MYO10: variants seen among roughly 807,000 people sequenced by gnomAD.
MYO10 encodes myosin X, also known as unconventional myosin-X.
Under a neutral mutation model 257.3 loss-of-function variants are expected in MYO10, and 133 were observed. The observed-to-expected ratio is 0.52, with a 90% CI of 0.45 to 0.60. The LOEUF is 0.60. Among genes scored for constraint, MYO10 ranks in the 20% least tolerant of loss-of-function variants. The pLI, the probability that MYO10 is intolerant of heterozygous loss-of-function variation, is 0.00. For missense variants in MYO10, 2,399 were observed against 2,635.7 expected (o/e 0.91, Z 1.97); for synonymous variants, 1,104 against 1,028.6 (o/e 1.07, Z -1.40).
rs1002196703 is a variant in MYO10, at chr5:16,825,724, C to T, written c.121-7557G>A. Reference sequence around the variant, plus strand: ...GACAGCCGGATGCAGTGGCATATGCCGGTAATCCCAGCTATTCAGGAGGCT... The same window carrying T: ...GACAGCCGGATGCAGTGGCATATGCTGGTAATCCCAGCTATTCAGGAGGCT... On this transcript the variant is annotated intron_variant, in intron 2 of 40. Transcript: ENST00000513610. 5.9e-5 allele frequency among the ~76,000 whole-genome samples: 9 copies of T among 152,130 alleles called. No homozygotes were observed. The South Asian group carries it at 6.2e-4, about 10-fold the overall frequency.
rs189964672 is a variant in MYO10, at chr5:16,845,917, T to C, written c.121-27750A>G. Reference sequence around the variant, plus strand: ...AGGCAGAGGTTGCAGTGAGCCGAGATCACACCACTGCATTGCAGCCTGGTG... The same window carrying C: ...AGGCAGAGGTTGCAGTGAGCCGAGACCACACCACTGCATTGCAGCCTGGTG... On this transcript the variant is annotated intron_variant, in intron 2 of 40. Coordinates refer to ENST00000513610, the MANE Select transcript of MYO10 (RefSeq NM_012334.3). Among the ~76,000 whole-genome samples, 281 of 150,878 alleles carry C rather than the reference T, an allele frequency of 1.9e-3. 3 individuals are homozygous for C. Among genetic ancestry groups the C allele is most frequent in the African/African-American group, 6.0e-3 (248 of 41,020 alleles).
chr5:16,699,478 C>G lies in MYO10; in HGVS notation c.3528G>C (p.Pro1176=). The G allele has an allele frequency of 6.2e-7, 1 of 1,613,696 alleles. No homozygotes were observed. Among genetic ancestry groups the G allele is most frequent in the Non-Finnish European group, 8.5e-7 (1 of 1,179,822 alleles). ...RDSVYSCVTL[P]YFHSFLYMKG... ...TCATGTACAGAAAGCTGTGGAAATA[C>G]GGCAGAGTGACACAGCTGTACACAG... Residue 1176 remains proline (P), a synonymous_variant, in exon 26 of 41, where the codon CCG becomes CCC. Coordinates refer to ENST00000513610, the MANE Select transcript of MYO10 (RefSeq NM_012334.3).
intron 2 of MYO10, among the ~76,000 whole-genome samples, chr5:16,826,483 A>G (rs1743004015): frequency 6.6e-6 from 1 of 152,200 alleles, no homozygotes; most frequent in African/African-American, 2.4e-5. Context: ...AACACAGAGC[A>G]TTCTATGAGG....
chr5:16,701,964 G>C lies in MYO10; in HGVS notation c.2557-126C>G. 1 of 1,107,946 alleles carries C rather than the reference G, an allele frequency of 9.0e-7. No homozygotes were observed. The highest frequency in any genetic ancestry group is 1.7e-5 in the South Asian group (1 of 59,898). The allele number at this position is 1,107,946 out of a possible 1,614,324, so 68.6% of individuals were successfully genotyped here. On this transcript the variant is annotated intron_variant, in intron 24 of 40. Coordinates refer to ENST00000513610, the MANE Select transcript of MYO10 (RefSeq NM_012334.3). The surrounding 1 kb of genome is among the most constrained non-coding windows in gnomAD (Gnocchi z 8.1). ...GACTGTGTCCCCATAAAGTCTATAGGTTGAAGTCCTAACCCCAATACTGCA... is the reference window on the plus strand; with the variant it reads ...GACTGTGTCCCCATAAAGTCTATAGCTTGAAGTCCTAACCCCAATACTGCA...
At chr5:16,700,334 A>G (rs772779239) in intron 25 of MYO10, among the ~76,000 whole-genome samples, 6 of 152,182 alleles carry the variant, frequency 3.9e-5, no homozygotes, top group Non-Finnish European at 7.3e-5. Flanking sequence ...CAAATTGTAA[A>G]AAAAGGGAAG....
At chr5:16,698,508 G>C (rs191385951) in intron 26 of MYO10, among the ~76,000 whole-genome samples, 75 of 152,222 alleles carry the variant, frequency 4.9e-4, no homozygotes, top group Non-Finnish European at 9.3e-4. Context: ...TCATCATGAA[G>C]TAGGTATGGT....
intron 27 of MYO10, among the ~76,000 whole-genome samples, chr5:16,692,523 A>C (rs187342974): frequency 4.8e-4 from 73 of 152,336 alleles, no homozygotes; most frequent in African/African-American, 1.6e-3. Context: ...TTTTAATGTC[A>C]TAATGGTATT....
At chr5:16,692,126 T>C (rs145080570) in intron 27 of MYO10, among the ~76,000 whole-genome samples, 21 of 152,206 alleles carry the variant, frequency 1.4e-4, no homozygotes, top group Admixed American at 3.9e-4. Context: ...CCTCCACTTA[T>C]AAGGAAACTG....
chr5:16,817,437 T>C (rs1257156000), intron 3 of MYO10, among the ~76,000 whole-genome samples: 1 of 152,130 alleles, frequency 6.6e-6, no homozygotes, highest in Non-Finnish European at 1.5e-5. Flanking sequence ...ATAATACAGG[T>C]ATAGTCACAT....
rs188528364 is a variant in MYO10 at position 16,888,594 on chromosome 5, T to A, written c.22-10887A>T. On this transcript the variant is annotated intron_variant, in intron 1 of 40. Transcript: ENST00000513610. ...TGAACAACAAGAGCGAGACTCCGTC[T>A]CAAAAGGAAAAAAAAAATAGCCAGA... is the stretch of plus-strand genomic sequence containing the variant. 2.7e-3 allele frequency among the ~76,000 whole-genome samples: 408 copies of A among 150,566 alleles called. 6 individuals carry two copies. Among genetic ancestry groups the A allele is most frequent in the African/African-American group, 9.2e-3 (375 of 40,692 alleles).
chr5:16,680,988 G>A (rs1323530826), intron 32 of MYO10, among the ~76,000 whole-genome samples: 1 of 152,134 alleles, frequency 6.6e-6, no homozygotes, highest in Non-Finnish European at 1.5e-5. Context: ...GTGAGACCCT[G>A]TCTCAAAAAT....
At chr5:16,855,257 AT>A (rs1743928505) in intron 2 of MYO10, among the ~76,000 whole-genome samples, 1 of 152,110 alleles carries the variant, frequency 6.6e-6, no homozygotes, top group African/African-American at 2.4e-5. Context: ...GGCAGGAATT[AT>A]TTTTTCTCTA....
intron 2 of MYO10, among the ~76,000 whole-genome samples, chr5:16,865,487 A>G (rs1744218284): frequency 6.6e-6 from 1 of 152,198 alleles, no homozygotes; most frequent in African/African-American, 2.4e-5. Context: ...ATGTGCTATT[A>G]TTTTGTAAAA....
At chr5:16,724,137 C>T (rs1739263450) in intron 19 of MYO10, among the ~76,000 whole-genome samples, 1 of 152,124 alleles carries the variant, frequency 6.6e-6, no homozygotes, top group East Asian at 1.9e-4. Context: ...ATGAATCGAC[C>T]TCACTAAACA....
At chr5:16,671,683 T>C (rs989322130) in intron 37 of MYO10, 141 bp from the exon 38 acceptor site, 13 of 1,082,396 alleles carry the variant, frequency 1.2e-5, no homozygotes, top group African/African-American at 6.4e-5. Flanking sequence ...GAGATGGGGA[T>C]AGAGGAATAA....
intron 1 of MYO10, chr5:16,916,102 A>T (rs1042730057): frequency 4.4e-6 from 2 of 456,062 alleles, no homozygotes; most frequent in Non-Finnish European, 8.8e-6. Context: ...CTTGGTAAAG[A>T]TGTCATCGCT....
intron 9 of MYO10, among the ~76,000 whole-genome samples, chr5:16,772,279 T>C (rs1741076255): frequency 6.6e-6 from 1 of 151,944 alleles, no homozygotes; most frequent in African/African-American, 2.4e-5. Context: ...ATTATAGGCA[T>C]GCACCACCAC....
At chr5:16,868,881 T>C (rs1744364156) in intron 2 of MYO10, among the ~76,000 whole-genome samples, 1 of 152,194 alleles carries the variant, frequency 6.6e-6, no homozygotes, top group African/African-American at 2.4e-5. Context: ...GTTTAAATTT[T>C]AGAGTGGAAT....
chr5:16,834,539 G>A (rs955757411), intron 2 of MYO10, among the ~76,000 whole-genome samples: 3 of 152,120 alleles, frequency 2.0e-5, no homozygotes, highest in Admixed American at 1.3e-4. Flanking sequence ...ACTAATGGCT[G>A]CTTAATAATT....
Sources: allele counts gnomAD v4.1 joint callset (sites outside exome capture counted in the v4.1 genomes callset), GRCh38; gene constraint gnomAD v4.1.1; non-coding constraint Gnocchi (gnomAD v3.1); transcripts MANE v1.5; gene names NCBI Gene and HGNC (gene_info 2026-07-23, HGNC 2026-07-21).